The following DACH2 variants were observed in gnomAD, a reference collection of about 807,000 sequenced individuals.
DACH2 encodes dachshund homolog 2.
In DACH2, 17 loss-of-function variants were observed where a neutral mutation model predicts 35.8. The ratio of observed to expected loss-of-function variants is 0.48; its 90% CI spans 0.33 to 0.71. The LOEUF (loss-of-function observed/expected upper bound fraction) is 0.71, where lower values mean the gene tolerates loss of function less well. Ranked by LOEUF, DACH2 falls within the 30% of genes least tolerant of loss-of-function variation. DACH2 has a pLI of 0.02. For missense variants in DACH2, 469 were observed against 472.7 expected (o/e 0.99, Z 0.07); for synonymous variants, 195 against 177.3 (o/e 1.10, Z -0.79).
intron 2 of DACH2, among the ~76,000 whole-genome samples, chrX:86,484,135 T>C: frequency 9.0e-6 from 1 of 111,708 alleles, no homozygotes; most frequent in Non-Finnish European, 1.9e-5. Context: ...AATTATTCTG[T>C]ATCTCTACTG....
chrX:86,825,626 C>G (rs1936024), intron 11 of DACH2, among the ~76,000 whole-genome samples: 24,612 of 110,339 alleles, frequency 0.22, 2,135 homozygotes, highest in East Asian at 0.47. Flanking sequence ...TGGAGTGGCT[C>G]CTGACATAGT....
rs1446817749 is a variant in DACH2, at chrX:86,400,997, C to T, written c.527+24135C>T. 2.7e-5 allele frequency among the ~76,000 whole-genome samples: 3 copies of T among 112,486 alleles called. No homozygotes were observed. The Admixed American group carries it at 2.8e-4, about 11-fold the overall frequency. On this transcript the variant is annotated intron_variant, in intron 2 of 11. Coordinates refer to ENST00000373125, the MANE Select transcript of DACH2 (RefSeq NM_053281.3). ...CAGAGGTGGAGCCTACAGAGGCAGG[C>T]AGGCCTCCTTGAGCTGTGGTGGACT...
intron 2 of DACH2, among the ~76,000 whole-genome samples, chrX:86,434,246 G>A: frequency 8.9e-6 from 1 of 111,737 alleles, no homozygotes; most frequent in East Asian, 2.8e-4. Flanking sequence ...TGGAGTACAT[G>A]AGATATTTTG....
intron 1 of DACH2, among the ~76,000 whole-genome samples, chrX:86,317,755 A>C (rs2034940381): frequency 9.0e-6 from 1 of 111,450 alleles, no homozygotes; most frequent in African/African-American, 3.3e-5. Context: ...AGCCAAGCCC[A>C]GCCATGGGTT....
chrX:86,201,259 G>A (rs911329434), intron 1 of DACH2, among the ~76,000 whole-genome samples: 2 of 101,905 alleles, frequency 2.0e-5, no homozygotes, highest in Non-Finnish European at 4.0e-5. Context: ...ACACAGAGAA[G>A]GAAACAACAG....
At chrX:86,495,074 G>A (rs1056876141) in intron 2 of DACH2, among the ~76,000 whole-genome samples, 15 of 111,002 alleles carry the variant, frequency 1.4e-4, no homozygotes, top group Non-Finnish European at 5.7e-5. Flanking sequence ...TGGAGACCGA[G>A]TCTTGCTCTG....
In DACH2 at chrX:86,793,028, G is replaced by A. The variant is rs920988966; in HGVS notation, c.1241-19828G>A. On this transcript the variant is annotated intron_variant, in intron 7 of 11. Coordinates refer to ENST00000373125, the MANE Select transcript of DACH2 (RefSeq NM_053281.3). ...TTCCCTTTTCTCCACATCTTCTCCA[G>A]CATCTGTTATTTTTTTTTCTTTTTA... is the stretch of plus-strand genomic sequence containing the variant. 3.6e-5 allele frequency among the ~76,000 whole-genome samples: 4 copies of A among 110,711 alleles called. No homozygotes were observed. In the East Asian group the frequency reaches 1.1e-3, roughly 32 times the overall value.
chrX:86,592,026 A>G (rs1445099578), intron 3 of DACH2, among the ~76,000 whole-genome samples: 2 of 111,546 alleles, frequency 1.8e-5, no homozygotes, highest in Non-Finnish European at 3.8e-5. Flanking sequence ...CAAAATTTTT[A>G]AAGTTCTAAA....
At chrX:86,798,378 G>C (rs1397769126) in intron 7 of DACH2, among the ~76,000 whole-genome samples, 1 of 112,406 alleles carries the variant, frequency 8.9e-6, no homozygotes, top group Admixed American at 9.4e-5. Flanking sequence ...CATCCAGACT[G>C]TTAAATATTA....
intron 3 of DACH2, among the ~76,000 whole-genome samples, chrX:86,626,206 C>A (rs1313320015): frequency 8.9e-6 from 1 of 112,480 alleles, no homozygotes; most frequent in Non-Finnish European, 1.9e-5. Flanking sequence ...AGGCTACAAG[C>A]CTTTTGCAAG....
intron 2 of DACH2, among the ~76,000 whole-genome samples, 169 bp downstream of exon 2, chrX:86,377,031 A>T (rs978463914): frequency 9.0e-6 from 1 of 111,261 alleles, no homozygotes; most frequent in Non-Finnish European, 1.9e-5. Context: ...CTTAATCCTC[A>T]GTTCATTAGA....
At chrX:86,477,141 T>C (rs763702358) in intron 2 of DACH2, among the ~76,000 whole-genome samples, 2 of 109,640 alleles carry the variant, frequency 1.8e-5, no homozygotes, top group Non-Finnish European at 3.8e-5. Flanking sequence ...AAATGATCTA[T>C]AAAGATAGAT....
intron 4 of DACH2, among the ~76,000 whole-genome samples, chrX:86,673,101 C>T (rs1006391277): frequency 7.2e-5 from 8 of 110,428 alleles, no homozygotes; most frequent in East Asian, 2.9e-4. Context: ...TTTGGGAGGC[C>T]GAGGCGGGTG....
intron 3 of DACH2, among the ~76,000 whole-genome samples, chrX:86,634,787 AG>A (rs1207577909): frequency 8.9e-6 from 1 of 112,197 alleles, no homozygotes; most frequent in East Asian, 2.8e-4. Context: ...GAAATTGTAG[AG>A]GACAAAAACA....
intron 5 of DACH2, among the ~76,000 whole-genome samples, chrX:86,706,369 G>A (rs2041216742): frequency 9.0e-6 from 1 of 111,402 alleles, no homozygotes; most frequent in African/African-American, 3.3e-5. Context: ...TGAGAATTGA[G>A]AATACTCTGT....
chrX:86,241,377 A>G (rs756477184), intron 1 of DACH2, among the ~76,000 whole-genome samples: 1 of 111,887 alleles, frequency 8.9e-6, no homozygotes, highest in Non-Finnish European at 1.9e-5. Context: ...GGAACTTTGA[A>G]CTTGAGAGAG....
chrX:86,340,885 C>T (rs1056726697), intron 1 of DACH2, among the ~76,000 whole-genome samples: 1 of 111,837 alleles, frequency 8.9e-6, no homozygotes, highest in Non-Finnish European at 1.9e-5. Flanking sequence ...CAGAGCAAGG[C>T]CCTACCGGTC....
intron 1 of DACH2, among the ~76,000 whole-genome samples, chrX:86,312,689 T>A (rs936028055): frequency 5.4e-5 from 6 of 111,931 alleles, no homozygotes; most frequent in Admixed American, 1.9e-4. Flanking sequence ...CTACATTTTC[T>A]CCCTTGCTGG....
chrX:86,673,031 C>A (rs115514138), intron 4 of DACH2, among the ~76,000 whole-genome samples: 1,155 of 111,856 alleles, frequency 0.01, 17 homozygotes, highest in African/African-American at 0.035. Context: ...ATGTGAGACA[C>A]GGAGTCAAAG....
Sources: allele counts gnomAD v4.1 joint callset (sites outside exome capture counted in the v4.1 genomes callset), GRCh38; gene constraint gnomAD v4.1.1; transcripts MANE v1.5; gene names NCBI Gene and HGNC (gene_info 2026-07-23, HGNC 2026-07-21).